The following CASTOR2 variants were observed in gnomAD, a reference collection of about 807,000 sequenced individuals.
CASTOR2 encodes cytosolic arginine sensor for mTORC1 subunit 2.
Under a neutral mutation model 31.2 loss-of-function variants are expected in CASTOR2, and 8 were observed. The ratio of observed to expected loss-of-function variants is 0.26; its 90% confidence interval spans 0.15 to 0.46. The LOEUF is 0.46. CASTOR2 is among the 20% of genes least tolerant of loss of function. The pLI is 0.99. For synonymous variants in CASTOR2, 162 were observed against 158.7 expected, an observed-to-expected ratio of 1.02 and a Z score of -0.16; for missense variants, 216 against 382.1, an observed-to-expected ratio of 0.57 and a Z score of 3.62.
intron 1 of CASTOR2, among the ~76,000 whole-genome samples, chr7:75,003,664 G>A (rs1310834043): frequency 2.0e-5 from 3 of 151,470 alleles, no homozygotes; most frequent in African/African-American, 7.3e-5. Context: ...GCAGGAGAAT[G>A]GCGTGAACCC....
intron 1 of CASTOR2, among the ~76,000 whole-genome samples, chr7:74,982,037 T>C (rs1346517430): frequency 0.74 from 38,761 of 52,146 alleles, 15,071 homozygotes; most frequent in East Asian, 0.97. Flanking sequence ...CATTGCACTC[T>C]AGCCTGGTTG....
chr7:75,028,336 G>T lies in CASTOR2; in HGVS notation c.*3637G>T, dbSNP rs1033784387. Among the ~76,000 whole-genome samples, 1 of 152,028 alleles carries T rather than the reference G, an allele frequency of 6.6e-6. No homozygotes were observed. Among genetic ancestry groups the T allele is most frequent in the East Asian group, 1.9e-4 (1 of 5,186 alleles). ...GGGTTTCACCATGTTGGCCACGCTGGTCTTGAACTCCTGACCTCAAGTGAT... is the reference window on the plus strand; with the variant it reads ...GGGTTTCACCATGTTGGCCACGCTGTTCTTGAACTCCTGACCTCAAGTGAT... On this transcript the variant is annotated 3_prime_UTR_variant, in exon 9 of 9. Transcript: ENST00000616305.
chr7:75,011,317 T>C (rs1434090830), intron 2 of CASTOR2, among the ~76,000 whole-genome samples: 2 of 150,376 alleles, frequency 1.3e-5, no homozygotes, highest in East Asian at 4.0e-4. Flanking sequence ...TAGCTCCAGC[T>C]ACTCAGGAGG....
chr7:75,027,375 T>TG lies in CASTOR2; in HGVS notation c.*2677dup, dbSNP rs1179444424. 1 of 152,900 alleles carries TG rather than the reference T, an allele frequency of 6.5e-6. No homozygotes were observed. The highest frequency in any genetic ancestry group is 1.5e-5 in the Non-Finnish European group (1 of 68,230). 9.5% of individuals were successfully genotyped at this position (152,900 alleles called of 1,614,324 possible). On this transcript the variant is annotated 3_prime_UTR_variant, in exon 9 of 9. Transcript: ENST00000616305. ...CGAGGGAGGAGTATTTGGAATTTCT[T>TG]GCTTTTAACCAGAATGCCCCCTCTC... is the stretch of plus-strand genomic sequence containing the variant.
At position 75,028,737 on chromosome 7, in the gene CASTOR2, C is replaced by T. The variant is rs1411529939; in HGVS notation, c.*4038C>T. ...GCATTGCTGACTCTGCACCTCCTTC[C>T]TCCATGGGCATCTCCAGGACCGCCC... On this transcript the variant is annotated 3_prime_UTR_variant, in exon 9 of 9. Coordinates refer to ENST00000616305, the MANE Select transcript of CASTOR2 (RefSeq NM_001145064.3). 6.6e-6 allele frequency among the ~76,000 whole-genome samples: 1 copy of T among 152,316 alleles called. No individual in the cohort carries two copies. The highest frequency in any genetic ancestry group is 2.1e-4 in the South Asian group (1 of 4,832).
rs1346458902 is a variant in CASTOR2 at position 75,028,263 on chromosome 7, G to A, written c.*3564G>A. On this transcript the variant is annotated 3_prime_UTR_variant, in exon 9 of 9. Transcript: ENST00000616305. ...GGCCTCCCAAGTAGGTGAGATTACA[G>A]GCACTCACCACCACACGCGGCTAAT... is the stretch of plus-strand genomic sequence containing the variant. 3.3e-5 allele frequency among the ~76,000 whole-genome samples: 5 copies of A among 152,152 alleles called. No individual in the cohort carries two copies. The highest frequency in any genetic ancestry group is 1.2e-4 in the African/African-American group (5 of 41,476).
chr7:75,018,385 CA>C (rs1804914533), intron 4 of CASTOR2, among the ~76,000 whole-genome samples: 1 of 152,058 alleles, frequency 6.6e-6, no homozygotes, highest in Non-Finnish European at 1.5e-5. Flanking sequence ...ACTAAAAATA[CA>C]AAATTAGCTG....
intron 1 of CASTOR2, 174 bp from the exon 2 acceptor site, chr7:75,007,820 A>G: frequency 1.3e-6 from 1 of 785,690 alleles, no homozygotes; most frequent in South Asian, 1.6e-5. Flanking sequence ...CCTGAGTGAG[A>G]ACTGAGTAGG....
At chr7:74,994,986 TG>T (rs1361853314) in intron 1 of CASTOR2, among the ~76,000 whole-genome samples, 1 of 151,960 alleles carries the variant, frequency 6.6e-6, no homozygotes, top group Non-Finnish European at 1.5e-5. Flanking sequence ...GAGGAGACCG[TG>T]CGGGAGATTG....
chr7:75,015,193 C>T (rs1804839115), intron 2 of CASTOR2, among the ~76,000 whole-genome samples: 1 of 152,220 alleles, frequency 6.6e-6, no homozygotes, highest in Admixed American at 6.5e-5. Flanking sequence ...GCCAGCAGAG[C>T]CCAGCTCGTC....
intron 4 of CASTOR2, among the ~76,000 whole-genome samples, chr7:75,018,369 G>A (rs1163280398): frequency 1.3e-5 from 2 of 152,100 alleles, no homozygotes; most frequent in East Asian, 1.9e-4. Flanking sequence ...GAGAAACCCC[G>A]TCTCTACTAA....
rs1178084776 is a variant in CASTOR2, at chr7:75,026,188, G to GTTTTTTTTTTTTTT, written c.*1489_*1490insTTTTTTTTTTTTTT. Among the ~76,000 whole-genome samples, 78 of 113,250 alleles carry GTTTTTTTTTTTTTT rather than the reference G, an allele frequency of 6.9e-4. 1 individual carries two copies. The highest frequency in any genetic ancestry group is 1.0e-3 in the Non-Finnish European group (53 of 51,484). The allele number at this position is 113,250 out of a possible 152,430, so 74.3% of individuals were successfully genotyped here. Reference sequence around the variant, plus strand: ...CCCCTGTGGTTTTGGCTCTGGCGGGGGTTTTTTTTTTTTTTTTTGAGATGG... The same window carrying GTTTTTTTTTTTTTT: ...CCCCTGTGGTTTTGGCTCTGGCGGGGTTTTTTTTTTTTTTGTTTTTTTTTTTTTTTTTGAGATGG... On this transcript the variant is annotated 3_prime_UTR_variant, in exon 9 of 9. Transcript: ENST00000616305.
At chr7:74,977,358 A>G (rs1554435854) in intron 1 of CASTOR2, among the ~76,000 whole-genome samples, 1 of 151,492 alleles carries the variant, frequency 6.6e-6, no homozygotes, top group East Asian at 1.9e-4. Context: ...TGGGCCATCC[A>G]CGGTGCTAAA....
intron 1 of CASTOR2, among the ~76,000 whole-genome samples, chr7:75,003,219 G>A (rs1804535753): frequency 1.3e-5 from 2 of 152,238 alleles, no homozygotes; most frequent in Admixed American, 1.3e-4. Flanking sequence ...GGCCAAGGCA[G>A]AAGGATCACT....
At chr7:74,973,451 C>CCAAG (rs1803729884) in intron 1 of CASTOR2, among the ~76,000 whole-genome samples, 4 of 105,844 alleles carry the variant, frequency 3.8e-5, no homozygotes, top group Non-Finnish European at 7.7e-5. Context: ...AGCGATTCTC[C>CCAAG]TGCTTTAGTC....
intron 1 of CASTOR2, among the ~76,000 whole-genome samples, chr7:74,975,513 C>T (rs587726061): frequency 2.9e-5 from 4 of 139,908 alleles, no homozygotes; most frequent in Admixed American, 7.1e-5. Context: ...GTCAGGAGAT[C>T]GAGACCATCC....
rs970264493 is a variant in CASTOR2, at chr7:75,025,516, C to T, written c.*817C>T. ...GAGCCTCAGCTTCCCCCAGTAGGGACATCCCTGGCTTTCCAGGCCTGAGGT... is the reference window on the plus strand; with the variant it reads ...GAGCCTCAGCTTCCCCCAGTAGGGATATCCCTGGCTTTCCAGGCCTGAGGT... On this transcript the variant is annotated 3_prime_UTR_variant, in exon 9 of 9. Coordinates refer to ENST00000616305, the MANE Select transcript of CASTOR2 (RefSeq NM_001145064.3). Among the ~76,000 whole-genome samples, 1,622 of 152,326 alleles carry T rather than the reference C, an allele frequency of 0.011. 20 individuals carry two copies. The highest frequency in any genetic ancestry group is 0.075 in the Middle Eastern group (22 of 294).
chr7:75,004,027 A>G (rs1186553902), intron 1 of CASTOR2, among the ~76,000 whole-genome samples: 12 of 152,134 alleles, frequency 7.9e-5, no homozygotes, highest in Admixed American at 6.5e-4. Flanking sequence ...TGTGCGGTCT[A>G]TTTCTGGAGT....
In CASTOR2 at chr7:75,023,720, G is replaced by A. The variant is rs1351447287; in HGVS notation, c.830-720G>A. Among the ~76,000 whole-genome samples the A allele has an allele frequency of 2.6e-5, 4 of 152,092 alleles. No individual in the cohort carries two copies. The South Asian group carries it at 6.2e-4, about 24-fold the overall frequency. On this transcript the variant is annotated intron_variant, in intron 7 of 8. Transcript: ENST00000616305. ...CTCCCAAAGTGCTGGGATTACAGGC[G>A]TGAGCCACCACTCCCAGCCAAGGTG...
Sources: allele counts gnomAD v4.1 joint callset (sites outside exome capture counted in the v4.1 genomes callset), GRCh38; gene constraint gnomAD v4.1.1; transcripts MANE v1.5; gene names NCBI Gene and HGNC (gene_info 2026-07-23, HGNC 2026-07-21).